VCP: variants seen among roughly 807,000 people sequenced by gnomAD.
The protein encoded by VCP is transitional endoplasmic reticulum ATPase.
VCP carries 6 observed loss-of-function variants against 85.7 expected under a neutral mutation model. The observed-to-expected ratio is 0.07, with a 90% CI of 0.04 to 0.14. The LOEUF is 0.14. Ranked by LOEUF, VCP falls within the 10% of genes least tolerant of loss-of-function variation. The pLI, the probability that VCP is intolerant of heterozygous loss-of-function variation, is 1.00. For synonymous variants in VCP, 384 were observed against 367.1 expected, an observed-to-expected ratio of 1.05 and a Z score of -0.53; for missense variants, 353 against 1,043.4, an observed-to-expected ratio of 0.34 and a Z score of 9.12.
chr9:35,058,681 C>T lies in VCP; in HGVS notation c.2160+383G>A, dbSNP rs1040213046. 5.3e-5 allele frequency among the ~76,000 whole-genome samples: 8 copies of T among 152,086 alleles called. 1 individual carries two copies. Among genetic ancestry groups the T allele is most frequent in the Admixed American group, 1.3e-4 (2 of 15,272 alleles). The stretch of plus-strand genomic sequence containing the variant: ...ACTCGGGAGGCTGAGGCAGGAGAAT[C>T]GCTTGAACCTGGGAGGCAGAAGTTG... On this transcript the variant is annotated intron_variant, in intron 15 of 16. Coordinates refer to ENST00000358901, the MANE Select transcript of VCP (RefSeq NM_007126.5).
chr9:35,061,252 T>C, intron 10 of VCP, 73 bp from the exon 11 acceptor site: 3 of 1,596,888 alleles, frequency 1.9e-6, no homozygotes, highest in Non-Finnish European at 2.6e-6. Flanking sequence ...GACAATAGAA[T>C]CCTTCCCCTG....
chr9:35,070,455 A>T lies in VCP; in HGVS notation c.17+1882T>A, dbSNP rs772075813. ...TCACCATAGTTTTTTATTTTTTGAAACGGAGTCTCCCTCTGTTGCCCAGGC... is the reference window on the plus strand; with the variant it reads ...TCACCATAGTTTTTTATTTTTTGAATCGGAGTCTCCCTCTGTTGCCCAGGC... On this transcript the variant is annotated intron_variant, in intron 1 of 16. Transcript: ENST00000358901. Among the ~76,000 whole-genome samples, 97 of 152,142 alleles carry T rather than the reference A, an allele frequency of 6.4e-4. 1 individual carries two copies. Among genetic ancestry groups the T allele is most frequent in the Non-Finnish European group, 2.2e-4 (15 of 68,018 alleles).
chr9:35,071,838 G>A (rs1281501047), intron 1 of VCP: 3 of 988,510 alleles, frequency 3.0e-6, no homozygotes, highest in Non-Finnish European at 3.6e-6. Context: ...CCCGGGCTCC[G>A]CCTCGGTGGC....
intron 1 of VCP, chr9:35,072,071 G>C: frequency 7.8e-7 from 1 of 1,283,400 alleles, no homozygotes; most frequent in Non-Finnish European, 9.8e-7. Context: ...AATCGGGCGG[G>C]CCGGGGCCTG....
In VCP at chr9:35,064,143, AGG is replaced by A. The variant is rs1164941786; in HGVS notation, c.708+9_708+10del. The A allele has an allele frequency of 1.2e-6, 2 of 1,614,056 alleles. No homozygotes were observed. Among genetic ancestry groups the A allele is most frequent in the Non-Finnish European group, 1.7e-6 (2 of 1,180,020 alleles). ...CACTTTAGACTTGATTCCAGAGCCCAGGATGCTCACCTTCACACCAATTGCCT... is the reference window on the plus strand; with the variant it reads ...CACTTTAGACTTGATTCCAGAGCCCAATGCTCACCTTCACACCAATTGCCT... On this transcript the variant is annotated intron_variant, in intron 6 of 16. Transcript: ENST00000358901.
Position 35,063,313 on chromosome 9 carries a change from G to A in VCP, c.709-233C>T, listed in dbSNP as rs1019584189. Among the ~76,000 whole-genome samples the A allele has an allele frequency of 8.5e-5, 13 of 152,294 alleles. No homozygotes were observed. In the South Asian group the frequency reaches 2.5e-3, roughly 29 times the overall value. Reference sequence around the variant, plus strand: ...ACATTTATGATTGCAACTTGCATAGGAGACTAAGGGCAGAGAAACTGTAGT... The same window carrying A: ...ACATTTATGATTGCAACTTGCATAGAAGACTAAGGGCAGAGAAACTGTAGT... On this transcript the variant is annotated intron_variant, in intron 6 of 16. Transcript: ENST00000358901.
At chr9:35,064,308 AAGG>A (rs1463570352) in intron 5 of VCP, 23 bp from the exon 6 acceptor site, 4 of 1,613,576 alleles carry the variant, frequency 2.5e-6, no homozygotes, top group Admixed American at 1.7e-5. Flanking sequence ...GAGATAAAGA[AAGG>A]AGAAGGCAAG....
At chr9:35,068,227 G>C in intron 2 of VCP, 24 bp downstream of exon 2, 2 of 1,611,484 alleles carry the variant, frequency 1.2e-6, no homozygotes, top group Non-Finnish European at 1.7e-6. Context: ...AGTAAGGAAA[G>C]ACTAGTCTGT....
rs1222845739 is a variant in VCP, at chr9:35,061,242, G to A, written c.1195-63C>T. Reference sequence around the variant, plus strand: ...ACCCAGCTGCTGCAGGAGGCTCAGAGACAATAGAATCCTTCCCCTGACTGC... The same window carrying A: ...ACCCAGCTGCTGCAGGAGGCTCAGAAACAATAGAATCCTTCCCCTGACTGC... On this transcript the variant is annotated intron_variant, in intron 10 of 16. Transcript: ENST00000358901. 11 of 1,605,922 alleles carry A rather than the reference G, an allele frequency of 6.8e-6. No individual in the cohort carries two copies. In the South Asian group the frequency reaches 1.2e-4, roughly 18 times the overall value.
chr9:35,069,349 C>T (rs1828893626), intron 1 of VCP, among the ~76,000 whole-genome samples: 1 of 151,978 alleles, frequency 6.6e-6, no homozygotes, highest in Non-Finnish European at 1.5e-5. Context: ...AGTGTTATTT[C>T]CTAGAAGCTA....
chr9:35,061,298 T>C, intron 10 of VCP, 119 bp from the exon 11 acceptor site: 2 of 1,360,376 alleles, frequency 1.5e-6, no homozygotes, highest in Admixed American at 1.8e-5. Context: ...TCCTTGAATA[T>C]ATACTATCAA....
chr9:35,057,794 A>C, intron 15 of VCP: 1 of 533,142 alleles, frequency 1.9e-6, no homozygotes, highest in Non-Finnish European at 3.4e-6. Flanking sequence ...GTGGCTAAGG[A>C]AACTTTTTGA....
chr9:35,065,509 T>A (rs1338144315), intron 4 of VCP, 128 bp from the exon 5 acceptor site: 1 of 1,212,708 alleles, frequency 8.2e-7, no homozygotes, highest in African/African-American at 1.5e-5. Flanking sequence ...TTGCCCTACC[T>A]CTCCCCAACT....
In VCP at chr9:35,072,429, G is replaced by T; in HGVS notation, c.-76C>A. Reference sequence around the variant, plus strand: ...ACGAGCGGTGGCAAGCGACCGACTGGGCCGGGGCTCGGCTCTTCCAGGCGG... The same window carrying T: ...ACGAGCGGTGGCAAGCGACCGACTGTGCCGGGGCTCGGCTCTTCCAGGCGG... On this transcript the variant is annotated 5_prime_UTR_variant, in exon 1 of 17. Coordinates refer to ENST00000358901, the MANE Select transcript of VCP (RefSeq NM_007126.5). 1 of 1,425,822 alleles carries T rather than the reference G, an allele frequency of 7.0e-7. No individual in the cohort carries two copies. The highest frequency in any genetic ancestry group is 9.1e-7 in the Non-Finnish European group (1 of 1,093,444). The allele number at this position is 1,425,822 out of a possible 1,614,324, so 88.3% of individuals were successfully genotyped here.
Position 35,057,061 on chromosome 9 carries a change from AC to A in VCP, c.*55del. 6.3e-7 allele frequency: 1 copy of A among 1,585,936 alleles called. No individual in the cohort carries two copies. Among genetic ancestry groups the A allele is most frequent in the Non-Finnish European group, 8.6e-7 (1 of 1,156,296 alleles). On this transcript the variant is annotated 3_prime_UTR_variant, in exon 17 of 17. Transcript: ENST00000358901. ...GTCCCTCTCCTGGGCAAGCGCCCCC[AC>A]CCCCAGGGAACAAGGTCCAGGCAGG...
Position 35,059,473 on chromosome 9 carries a change from G to C in VCP, c.2004+20C>G, listed in dbSNP as rs1320930605. On this transcript the variant is annotated intron_variant, in intron 14 of 16. Coordinates refer to ENST00000358901, the MANE Select transcript of VCP (RefSeq NM_007126.5). The surrounding 1 kb of genome is among the most constrained non-coding windows in gnomAD (Gnocchi z 4.9). ...TGAGGACTCATGCAAGTCTCCCACA[G>C]CCCATGATCTTGCACCTGCCTTGGC... 1 of 1,613,294 alleles carries C rather than the reference G, an allele frequency of 6.2e-7. No individual in the cohort carries two copies.
Position 35,067,885 on chromosome 9 carries a change from A to G in VCP, c.302+6T>C. 6.2e-7 allele frequency: 1 copy of G among 1,614,156 alleles called. No homozygotes were observed. Among genetic ancestry groups the G allele is most frequent in the Non-Finnish European group, 8.5e-7 (1 of 1,180,024 alleles). ...ATCCCTGTGAAGCCAAAAACCCCAC[A>G]CACACCTGATGACATCCCCTAGGCG... On this transcript the variant is annotated splice_donor_region_variant and intron_variant, in intron 3 of 16. Transcript: ENST00000358901.
At chr9:35,066,584 A>AG in intron 4 of VCP, 91 bp downstream of exon 4, 2 of 1,457,174 alleles carry the variant, frequency 1.4e-6, no homozygotes, top group Non-Finnish European at 1.8e-6. Flanking sequence ...AAAAGATTTA[A>AG]AAAAAAAAAA....
At position 35,057,147 on chromosome 9, in the gene VCP, T is replaced by C. The variant is rs1248744574; in HGVS notation, c.2391A>G (p.Thr797=). The C allele has an allele frequency of 2.5e-6, 4 of 1,614,190 alleles. No homozygotes were observed. The highest frequency in any genetic ancestry group is 8.5e-7 in the Non-Finnish European group (1 of 1,180,034). The change falls in exon 17 of 17, where the codon ACA becomes ACG. Residue 797 remains threonine (T), a synonymous_variant. Transcript: ENST00000358901. ...SGGGTGGSVY[T]EDNDDDLYG ...CATACAGGTCATCATCATTGTCTTC[T>C]GTGTATACACTGCCACCTGTGCCGC...
Sources: gnomAD v4.1 joint callset for allele counts (sites outside exome capture counted in the v4.1 genomes callset) on GRCh38, gnomAD v4.1.1 for gene constraint, Gnocchi (gnomAD v3.1) non-coding constraint, MANE v1.5 for transcripts, NCBI Gene and HGNC (gene_info 2026-07-23, HGNC 2026-07-21) for gene names.